Variants in RAB8A observed in about 807,000 individuals in gnomAD.
The protein encoded by RAB8A is ras-related protein Rab-8A.
Under a neutral mutation model 29.2 loss-of-function variants are expected in RAB8A, and 5 were observed. The observed-to-expected ratio is 0.17, with a 90% CI of 0.09 to 0.36. The LOEUF is 0.36. Among genes scored for constraint, RAB8A ranks in the 10% least tolerant of loss-of-function variants. The pLI is 1.00. For synonymous variants in RAB8A, 108 were observed against 99.9 expected (o/e 1.08, Z -0.49); for missense variants, 171 against 272.2 (o/e 0.63, Z 2.62).
Position 16,133,650 on chromosome 19 carries a change from A to G in RAB8A, c.*1346A>G, listed in dbSNP as rs1234469199. ...TTAAAGTCCAAGGATTTTTATGTCC[A>G]CATTTTCCCTGTAGGCCACACGGAC... On this transcript the variant is annotated 3_prime_UTR_variant, in exon 8 of 8. Coordinates refer to ENST00000300935, the MANE Select transcript of RAB8A (RefSeq NM_005370.5). 1.3e-5 allele frequency: 2 copies of G among 152,728 alleles called. No homozygotes were observed. Among genetic ancestry groups the G allele is most frequent in the African/African-American group, 2.4e-5 (1 of 41,436 alleles). 9.5% of individuals were successfully genotyped at this position (152,728 alleles called of 1,614,324 possible). A position where few individuals can be genotyped will look rare whatever the true frequency, so the allele number is the denominator to read the frequency against.
Position 16,125,559 on chromosome 19 carries a change from C to T in RAB8A, c.324+12C>T, listed in dbSNP as rs746886163. 40 of 1,607,366 alleles carry T rather than the reference C, an allele frequency of 2.5e-5. No individual in the cohort carries two copies. The African/African-American group carries it at 3.0e-4, about 12-fold the overall frequency. On this transcript the variant is annotated intron_variant, in intron 4 of 7. Coordinates refer to ENST00000300935, the MANE Select transcript of RAB8A (RefSeq NM_005370.5). The surrounding 1 kb of genome is among the most constrained non-coding windows in gnomAD (Gnocchi z 5.0). ...GCAACATTGAGGAGGTGAGGCCCTC[C>T]GGCTCCTCCCACTGTCCCTGCTTCA...
At position 16,111,988 on chromosome 19, in the gene RAB8A, C is replaced by G. The variant is rs142905665; in HGVS notation, c.87C>G (p.Ser29=). 56 of 1,613,926 alleles carry G rather than the reference C, an allele frequency of 3.5e-5. No individual in the cohort carries two copies. Among genetic ancestry groups the G allele is most frequent in the Admixed American group, 1.7e-4 (10 of 60,010 alleles). ...AGACCTGTGTCCTGTTCCGCTTCTC[C>G]GAGGACGCCTTCAACTCCACTTTTA... is the stretch of plus-strand genomic sequence containing the variant. The part of the protein sequence containing the change: ...VGKTCVLFRF[S]EDAFNSTFIS... The change falls in exon 1 of 8, where the codon TCC becomes TCG. Residue 29 remains serine, a synonymous_variant. Coordinates refer to ENST00000300935, the MANE Select transcript of RAB8A (RefSeq NM_005370.5).
intron 1 of RAB8A, among the ~76,000 whole-genome samples, chr19:16,116,124 G>C (rs1218197135): frequency 2.6e-5 from 4 of 152,242 alleles, no homozygotes; most frequent in Admixed American, 2.0e-4. Flanking sequence ...GAGGGAACTT[G>C]AATGGGAACC....
chr19:16,120,383 G>C (rs916922004), intron 2 of RAB8A, among the ~76,000 whole-genome samples: 19 of 146,990 alleles, frequency 1.3e-4, no homozygotes, highest in Non-Finnish European at 2.5e-4. Context: ...CATGATCTCA[G>C]CTCACTGCAA....
intron 6 of RAB8A, 77 bp downstream of exon 6, chr19:16,128,168 TC>T: frequency 1.4e-6 from 2 of 1,474,126 alleles, no homozygotes; most frequent in East Asian, 4.7e-5. Flanking sequence ...GCTGGCGTCC[TC>T]CGAGGAGGTC....
At position 16,125,939 on chromosome 19, in the gene RAB8A, T is replaced by C. The variant is rs1223895808; in HGVS notation, c.324+392T>C. The C allele has an allele frequency of 5.7e-6, 2 of 353,590 alleles. No individual in the cohort carries two copies. The highest frequency in any genetic ancestry group is 1.1e-5 in the Non-Finnish European group (2 of 179,030). The allele number at this position is 353,590 out of a possible 1,614,324, so 21.9% of individuals were successfully genotyped here. ...CAGGCGTCAGTTGTACTTTGAGCTA[T>C]ATCGGAGCAGGGTGTGACCTGGTAC... On this transcript the variant is annotated intron_variant, in intron 4 of 7. Transcript: ENST00000300935. This position sits in a 1 kb window ranked among gnomAD's most constrained non-coding sequence, Gnocchi z 5.0.
At chr19:16,121,599 G>C in intron 2 of RAB8A, 151 bp from the exon 3 acceptor site, 1 of 666,416 alleles carries the variant, frequency 1.5e-6, no homozygotes, top group Non-Finnish European at 2.7e-6. Context: ...TGTAATAATA[G>C]GGAGATTAGA....
chr19:16,127,426 C>G lies in RAB8A; in HGVS notation c.325-11C>G. The G allele has an allele frequency of 1.4e-6, 2 of 1,474,100 alleles. No individual in the cohort carries two copies. Among genetic ancestry groups the G allele is most frequent in the Non-Finnish European group, 1.8e-6 (2 of 1,111,320 alleles). 91.3% of individuals were successfully genotyped at this position (1,474,100 alleles called of 1,614,324 possible). A position where few individuals can be genotyped will look rare whatever the true frequency, so the allele number is the denominator to read the frequency against. The stretch of plus-strand genomic sequence containing the variant: ...CCGGTCTGATCCCCCGTCTGTCCCC[C>G]TCCCTCTCAGCACGCCTCTGCAGAC... On this transcript the variant is annotated splice_polypyrimidine_tract_variant and intron_variant, in intron 4 of 7. Transcript: ENST00000300935. The surrounding 1 kb of genome is among the most constrained non-coding windows in gnomAD (Gnocchi z 4.8).
intron 1 of RAB8A, among the ~76,000 whole-genome samples, chr19:16,114,551 A>ATTTT (rs758614217): frequency 4.2e-4 from 49 of 117,744 alleles, no homozygotes; most frequent in Non-Finnish European, 8.4e-4. Context: ...TAATTTTTGT[A>ATTTT]TTTTTTTTTT....
rs1790726845 is a variant in RAB8A, at chr19:16,122,225, A to G, written c.246+415A>G. 1 of 162,892 alleles carries G rather than the reference A, an allele frequency of 6.1e-6. No homozygotes were observed. The highest frequency in any genetic ancestry group is 1.3e-5 in the Non-Finnish European group (1 of 74,738). The allele number at this position is 162,892 out of a possible 1,614,324, so 10.1% of individuals were successfully genotyped here. On this transcript the variant is annotated intron_variant, in intron 3 of 7. Coordinates refer to ENST00000300935, the MANE Select transcript of RAB8A (RefSeq NM_005370.5). The surrounding 1 kb of genome is among the most constrained non-coding windows in gnomAD (Gnocchi z 4.7). ...GACCTGCCCTGGGCTGTCGGCCGTT[A>G]TATCCGTCACCCAGGCCTGAGGCGG... is the stretch of plus-strand genomic sequence containing the variant.
intron 1 of RAB8A, among the ~76,000 whole-genome samples, chr19:16,113,469 T>C (rs780667703): frequency 6.6e-6 from 1 of 152,198 alleles, no homozygotes; most frequent in African/African-American, 2.4e-5. Flanking sequence ...CGGCAGGATC[T>C]CGGGTCACTA....
chr19:16,121,336 C>T lies in RAB8A; in HGVS notation c.186-414C>T, dbSNP rs146737664. ...GGGCAATAGGCCCTGTGTTCCTTGTCATGCAGATGAGGAGGGACTTTCCCC... is the reference window on the plus strand; with the variant it reads ...GGGCAATAGGCCCTGTGTTCCTTGTTATGCAGATGAGGAGGGACTTTCCCC... On this transcript the variant is annotated intron_variant, in intron 2 of 7. Coordinates refer to ENST00000300935, the MANE Select transcript of RAB8A (RefSeq NM_005370.5). 1.8e-4 allele frequency among the ~76,000 whole-genome samples: 27 copies of T among 152,310 alleles called. 1 individual carries two copies. Among genetic ancestry groups the T allele is most frequent in the African/African-American group, 6.3e-4 (26 of 41,572 alleles).
At chr19:16,128,445 G>A (rs1351743600) in intron 6 of RAB8A, among the ~76,000 whole-genome samples, 2 of 152,098 alleles carry the variant, frequency 1.3e-5, no homozygotes, top group African/African-American at 4.8e-5. Context: ...CCCTGGAGAG[G>A]CCCCTGTCAA....
chr19:16,115,819 G>A (rs1029117372), intron 1 of RAB8A, among the ~76,000 whole-genome samples: 2 of 152,166 alleles, frequency 1.3e-5, no homozygotes, highest in Non-Finnish European at 2.9e-5. Flanking sequence ...GCCCCAGGGA[G>A]CTTACGTTTG....
intron 2 of RAB8A, among the ~76,000 whole-genome samples, chr19:16,119,896 C>G (rs1276014052): frequency 1.3e-5 from 2 of 152,088 alleles, no homozygotes; most frequent in African/African-American, 2.4e-5. Context: ...TCACTGCAAC[C>G]TCCGCCTCCT....
chr19:16,118,943 A>G (rs2090859865), intron 2 of RAB8A, among the ~76,000 whole-genome samples: 2 of 152,194 alleles, frequency 1.3e-5, no homozygotes, highest in African/African-American at 2.4e-5. Flanking sequence ...TGGCGGGTAT[A>G]GTGGGGTCCT....
At chr19:16,115,525 G>A (rs1568318666) in intron 1 of RAB8A, among the ~76,000 whole-genome samples, 1 of 152,138 alleles carries the variant, frequency 6.6e-6, no homozygotes, top group Non-Finnish European at 1.5e-5. Context: ...CCTCCTCAGG[G>A]GCCCATTGAT....
rs995258052 is a variant in RAB8A, at chr19:16,125,381, G to C, written c.247-89G>C. The C allele has an allele frequency of 8.5e-7, 1 of 1,175,016 alleles. No individual in the cohort carries two copies. Among genetic ancestry groups the C allele is most frequent in the Non-Finnish European group, 1.2e-6 (1 of 806,946 alleles). The allele number at this position is 1,175,016 out of a possible 1,614,324, so 72.8% of individuals were successfully genotyped here. A position where few individuals can be genotyped will look rare whatever the true frequency, so the allele number is the denominator to read the frequency against. ...GGCCTGGCTGTGCAGTGGGTGCTGG[G>C]CTCCCCACCACTGTTCTCTGGTGCC... On this transcript the variant is annotated intron_variant, in intron 3 of 7. Coordinates refer to ENST00000300935, the MANE Select transcript of RAB8A (RefSeq NM_005370.5). This position sits in a 1 kb window ranked among gnomAD's most constrained non-coding sequence, Gnocchi z 5.0.
intron 1 of RAB8A, among the ~76,000 whole-genome samples, chr19:16,116,760 G>T (rs1227336516): frequency 6.6e-6 from 1 of 151,974 alleles, no homozygotes; most frequent in African/African-American, 2.4e-5. Flanking sequence ...ACTTGAACCC[G>T]GGAGGCAGAG....
Sources: gnomAD v4.1 joint callset for allele counts (sites outside exome capture counted in the v4.1 genomes callset) on GRCh38, gnomAD v4.1.1 for gene constraint, Gnocchi (gnomAD v3.1) non-coding constraint, MANE v1.5 for transcripts, NCBI Gene and HGNC (gene_info 2026-07-23, HGNC 2026-07-21) for gene names.